Variants in DNAH11 observed in about 807,000 individuals in gnomAD.
DNAH11 encodes the protein axonemal beta dynein heavy chain 11.
In DNAH11, 442 loss-of-function variants were observed where a neutral mutation model predicts 526.0. The ratio of observed to expected loss-of-function variants is 0.84; its 90% CI spans 0.78 to 0.91. The LOEUF is 0.91. Ranked by LOEUF, DNAH11 falls within the 40% of genes least tolerant of loss-of-function variation. The pLI is 0.00. For synonymous variants in DNAH11, 2,461 were observed against 1,935.9 expected (o/e 1.27, Z -7.12); for missense variants, 6,989 against 5,448.7 (o/e 1.28, Z -8.90).
chr7:21,869,116 GTA>G, intron 73 of DNAH11, 125 bp downstream of exon 73: 1 of 1,362,784 alleles, frequency 7.3e-7, no homozygotes, highest in Admixed American at 2.5e-5. Context: ...AGTGCAAGCA[GTA>G]CTGTCAGTGT....
chr7:21,798,971 C>A (rs114704164), intron 61 of DNAH11, among the ~76,000 whole-genome samples: 1 of 151,880 alleles, frequency 6.6e-6, no homozygotes, highest in Non-Finnish European at 1.5e-5. Context: ...ACAAATATTA[C>A]TTGATATCAT....
In DNAH11 at chr7:21,744,486, A is replaced by G; in HGVS notation, c.8203A>G (p.Ile2735Val). The G allele has an allele frequency of 5.6e-6, 9 of 1,613,934 alleles. No homozygotes were observed. The highest frequency in any genetic ancestry group is 1.1e-5 in the South Asian group (1 of 91,074). ...PECLKGPLDL[I>V]HLWLHESARV... ...GTGTTTAAAAGGTCCACTTGATTTA[A>G]TACATCTGTGGCTTCATGAATCTGC... is the stretch of plus-strand genomic sequence containing the variant. Residue 2735 changes from isoleucine (I) to valine (V), a missense_variant, in exon 50 of 82, where the codon ATA becomes GTA. By Grantham distance (29) the Ile-to-Val change is conservative. Coordinates refer to ENST00000409508, the MANE Select transcript of DNAH11 (RefSeq NM_001277115.2).
intron 61 of DNAH11, among the ~76,000 whole-genome samples, chr7:21,793,342 G>A (rs1453976894): frequency 6.6e-6 from 1 of 152,240 alleles, no homozygotes; most frequent in East Asian, 1.9e-4. Flanking sequence ...GTCAGGCTGG[G>A]CGTGGTGGCT....
At chr7:21,873,176 C>CT in intron 73 of DNAH11, 98 bp from the exon 74 acceptor site, 1 of 1,094,468 alleles carries the variant, frequency 9.1e-7, no homozygotes, top group Non-Finnish European at 1.3e-6. Context: ...TCATGGTTCT[C>CT]TGAGTTTTCA....
At chr7:21,592,137 A>G (rs1308700424) in intron 14 of DNAH11, among the ~76,000 whole-genome samples, 1 of 152,194 alleles carries the variant, frequency 6.6e-6, no homozygotes, top group East Asian at 1.9e-4. Context: ...CCTGCCAACC[A>G]CCACCAAATC....
chr7:21,825,204 T>C (rs1248916761), intron 65 of DNAH11, among the ~76,000 whole-genome samples: 1 of 152,188 alleles, frequency 6.6e-6, no homozygotes, highest in Non-Finnish European at 1.5e-5. Flanking sequence ...TGACTGACTA[T>C]TCCTCAATTT....
At chr7:21,897,807 G>C (rs1253762377) in intron 79 of DNAH11, among the ~76,000 whole-genome samples, 2 of 152,066 alleles carry the variant, frequency 1.3e-5, no homozygotes, top group Non-Finnish European at 2.9e-5. Context: ...AGTAGGGATG[G>C]GGTTTCACCA....
intron 26 of DNAH11, among the ~76,000 whole-genome samples, chr7:21,636,542 C>T (rs75974778): frequency 0.059 from 8,936 of 152,014 alleles, 907 homozygotes; most frequent in African/African-American, 0.2. Flanking sequence ...CGAGACAAGC[C>T]TAGGCAGTAT....
At position 21,588,291 on chromosome 7, in the gene DNAH11, A is replaced by G. The variant is rs3810897; in HGVS notation, c.1848+90A>G. 284,205 of 1,437,858 alleles carry G rather than the reference A, an allele frequency of 0.2. 31,638 individuals carry two copies. Among genetic ancestry groups the G allele is most frequent in the East Asian group, 0.53 (22,910 of 42,986 alleles). The allele number at this position is 1,437,858 out of a possible 1,614,324, so 89.1% of individuals were successfully genotyped here. A position where few individuals can be genotyped will look rare whatever the true frequency, so the allele number is the denominator to read the frequency against. ...GAACTCTATGTGATTATATCTAAAG[A>G]TTAGATATAGGCACTACATTTTTGT... On this transcript the variant is annotated intron_variant, in intron 10 of 81. Coordinates refer to ENST00000409508, the MANE Select transcript of DNAH11 (RefSeq NM_001277115.2).
chr7:21,635,966 C>G lies in DNAH11; in HGVS notation c.4596C>G (p.Val1532=). ...ATAAATTAAACATAGCAGACTTGGT[C>G]ATCTTCACTTGGATGGAAGTCCAGC... ...WQNKLNIADL[V]IFTWMEVQRT... The change falls in exon 26 of 82, where the codon GTC becomes GTG. Residue 1532 remains valine (V), a synonymous_variant. Transcript: ENST00000409508. The G allele has an allele frequency of 1.2e-6, 2 of 1,613,550 alleles. No homozygotes were observed. The highest frequency in any genetic ancestry group is 1.7e-6 in the Non-Finnish European group (2 of 1,179,708).
At position 21,813,226 on chromosome 7, in the gene DNAH11, G is replaced by A. The variant is rs558114677; in HGVS notation, c.10333-3241G>A. On this transcript the variant is annotated intron_variant, in intron 63 of 81. Transcript: ENST00000409508. ...GCTGGGCAGATGGACAGAGTCATAG[G>A]CAAGTTCAAGGCAGCCTTTGCACTC... 1.3e-4 allele frequency among the ~76,000 whole-genome samples: 20 copies of A among 152,170 alleles called. No homozygotes were observed. In the East Asian group the frequency reaches 1.5e-3, roughly 12 times the overall value.
At chr7:21,594,063 TACACACACAC>T (rs59727118) in intron 14 of DNAH11, among the ~76,000 whole-genome samples, 31 of 137,616 alleles carry the variant, frequency 2.3e-4, no homozygotes, top group South Asian at 1.3e-3. Context: ...CATACACACA[TACACACACAC>T]ACACACACAC....
intron 46 of DNAH11, 69 bp from the exon 47 acceptor site, chr7:21,738,632 A>G (rs72657361): frequency 8.8e-5 from 128 of 1,451,074 alleles, no homozygotes; most frequent in Middle Eastern, 2.2e-4. Context: ...AGTTAAGAAC[A>G]AGAGAAAAAT....
chr7:21,686,970 A>G, intron 32 of DNAH11, 129 bp from the exon 33 acceptor site: 1 of 750,940 alleles, frequency 1.3e-6, no homozygotes, highest in Non-Finnish European at 2.0e-6. Flanking sequence ...ACAAATCAGA[A>G]GTATATCAGT....
intron 6 of DNAH11, among the ~76,000 whole-genome samples, chr7:21,567,900 A>G (rs186050107): frequency 6.6e-6 from 1 of 152,168 alleles, no homozygotes; most frequent in Admixed American, 6.5e-5. Flanking sequence ...TTCTCTGGTA[A>G]CCTGACACTA....
intron 35 of DNAH11, among the ~76,000 whole-genome samples, chr7:21,693,490 G>A (rs940688785): frequency 1.3e-5 from 2 of 152,168 alleles, no homozygotes; most frequent in Admixed American, 6.5e-5. Context: ...CATGAAGTAA[G>A]TTGACAAGTG....
chr7:21,726,071 G>A, intron 45 of DNAH11, 87 bp downstream of exon 45: 1 of 1,310,752 alleles, frequency 7.6e-7, no homozygotes, highest in Non-Finnish European at 1.0e-6. Context: ...ATAAAGAAAA[G>A]AGGTTTAATT....
chr7:21,698,472 C>T (rs1296282262), intron 36 of DNAH11, among the ~76,000 whole-genome samples: 1 of 152,078 alleles, frequency 6.6e-6, no homozygotes, highest in Non-Finnish European at 1.5e-5. Flanking sequence ...CACCCACCTC[C>T]CACCTTTTCT....
At chr7:21,619,028 C>T in intron 23 of DNAH11, 72 bp from the exon 24 acceptor site, 1 of 1,588,886 alleles carries the variant, frequency 6.3e-7, no homozygotes, top group Admixed American at 1.7e-5. Flanking sequence ...AGATTCATTT[C>T]ACCAGCCTTT....
Sources: allele counts gnomAD v4.1 joint callset (sites outside exome capture counted in the v4.1 genomes callset), GRCh38; gene constraint gnomAD v4.1.1; transcripts MANE v1.5; gene names NCBI Gene and HGNC (gene_info 2026-07-23, HGNC 2026-07-21).